ZNF227: variants seen among roughly 807,000 people sequenced by gnomAD.
ZNF227 encodes the protein zinc finger protein 227.
A neutral mutation model predicts 13.2 loss-of-function variants in ZNF227; 12 were observed. That is an observed-to-expected ratio of 0.91 (90% confidence interval 0.58 to 1.47). ZNF227 has a LOEUF of 1.47. Among genes scored for constraint, ZNF227 ranks in the 40% most tolerant of loss-of-function variants. ZNF227 has a pLI of 0.00. For missense variants in ZNF227, 885 were observed against 967.5 expected (o/e 0.91, Z 1.13); for synonymous variants, 338 against 326.0 (o/e 1.04, Z -0.40).
chr19:44,209,243 C>A (rs931141169), upstream of ZNF227, among the ~76,000 whole-genome samples: 2 of 152,308 alleles, frequency 1.3e-5, no homozygotes, highest in Middle Eastern at 3.4e-3. Context: ...CATCATTTGT[C>A]TTTAACTCTT....
rs145349391 is a variant in ZNF227, at chr19:44,228,496, G to T, written c.111G>T (p.Leu37=). ...DVAVVFSREE[L]RLLDLTQRKL... is the part of the protein sequence containing the mutation. ...CTGTGGTCTTCTCCAGGGAGGAACTGCGACTGCTCGATCTTACCCAGAGGA... is the reference window on the plus strand; with the variant it reads ...CTGTGGTCTTCTCCAGGGAGGAACTTCGACTGCTCGATCTTACCCAGAGGA... Residue 37 remains leucine (L), a synonymous_variant, in exon 4 of 6, where the codon CTG becomes CTT. Coordinates refer to ENST00000313040, the MANE Select transcript of ZNF227 (RefSeq NM_182490.3). 4.3e-5 allele frequency: 69 copies of T among 1,613,904 alleles called. No individual in the cohort carries two copies. The African/African-American group carries it at 8.9e-4, about 21-fold the overall frequency.
At position 44,234,954 on chromosome 19, in the gene ZNF227, A is replaced by G; in HGVS notation, c.524A>G (p.Gln175Arg). 5 of 1,614,092 alleles carry G rather than the reference A, an allele frequency of 3.1e-6. No homozygotes were observed. The highest frequency in any genetic ancestry group is 4.2e-6 in the Non-Finnish European group (5 of 1,180,012). ...ENQEFPFWRT[Q>R]HSCGNTYLSE... is the part of the protein sequence containing the mutation. Reference sequence around the variant, plus strand: ...CAAGAGTTTCCATTTTGGAGAACCCAGCATTCTTGCGGGAATACATATCTG... The same window carrying G: ...CAAGAGTTTCCATTTTGGAGAACCCGGCATTCTTGCGGGAATACATATCTG... The change falls in exon 6 of 6, where the codon CAG becomes CGG. Residue 175 changes from glutamine (Q) to arginine (R), a missense_variant. Transcript: ENST00000313040.
intron 3 of ZNF227, 33 bp from the exon 4 acceptor site, chr19:44,228,413 T>TAAGA: frequency 6.3e-7 from 1 of 1,593,150 alleles, no homozygotes; most frequent in Non-Finnish European, 8.5e-7. Context: ...AGGTTGGTTG[T>TAAGA]AAGATTGAGG....
At chr19:44,230,514 T>C (rs1244941184) in intron 5 of ZNF227, among the ~76,000 whole-genome samples, 1 of 152,106 alleles carries the variant, frequency 6.6e-6, no homozygotes, top group African/African-American at 2.4e-5. Context: ...GTTGGAGTAT[T>C]TGTTAAGCAT....
At chr19:44,208,476 C>G (rs1971260979), upstream of ZNF227, among the ~76,000 whole-genome samples, 1 of 152,194 alleles carries the variant, frequency 6.6e-6, no homozygotes, top group South Asian at 2.1e-4. Context: ...GGACAAATCT[C>G]AGAACTTTCA....
chr19:44,215,182 T>TG (rs1429998380), intron 2 of ZNF227, among the ~76,000 whole-genome samples: 3 of 151,232 alleles, frequency 2.0e-5, no homozygotes, highest in Admixed American at 2.0e-4. Context: ...TTTTTTTTTT[T>TG]TTTGAAACGG....
intron 2 of ZNF227, chr19:44,213,674 A>G (rs902615458): frequency 2.6e-5 from 4 of 152,108 alleles, no homozygotes; most frequent in African/African-American, 7.2e-5. Flanking sequence ...CTTAATCTCA[A>G]TGATACAGTC....
chr19:44,229,517 CAGG>C (rs1355111131), intron 4 of ZNF227, among the ~76,000 whole-genome samples: 2 of 152,144 alleles, frequency 1.3e-5, no homozygotes, highest in African/African-American at 2.4e-5. Context: ...GAGGCTGAGG[CAGG>C]AGACTTGCTT....
Position 44,236,713 on chromosome 19 carries a change from C to T in ZNF227, c.2283C>T (p.Ala761=). Residue 761 remains alanine, a synonymous_variant, in exon 6 of 6, where the codon GCC becomes GCT. Transcript: ENST00000313040. ...TCAGTCAGAGTGCACGTCTTGAAGCCCATCAGAGAGTCCACACTGGAGAAA... is the reference window on the plus strand; with the variant it reads ...TCAGTCAGAGTGCACGTCTTGAAGCTCATCAGAGAGTCCACACTGGAGAAA... ...KGFSQSARLE[A]HQRVHTGEKP... 3.7e-6 allele frequency: 6 copies of T among 1,613,330 alleles called. No individual in the cohort carries two copies. Among genetic ancestry groups the T allele is most frequent in the East Asian group, 2.2e-5 (1 of 44,822 alleles).
intron 5 of ZNF227, among the ~76,000 whole-genome samples, chr19:44,234,072 C>G (rs1254896245): frequency 6.6e-6 from 1 of 152,184 alleles, no homozygotes; most frequent in African/African-American, 2.4e-5. Context: ...ACCTCTCCCT[C>G]TCTTCGTCTT....
At chr19:44,224,648 A>G (rs1972904417) in intron 3 of ZNF227, among the ~76,000 whole-genome samples, 1 of 151,420 alleles carries the variant, frequency 6.6e-6, no homozygotes, top group African/African-American at 2.4e-5. Flanking sequence ...TTTTATTTTG[A>G]GCCTATGTGT....
rs771279104 is a variant in ZNF227, at chr19:44,236,003, T to C, written c.1573T>C (p.Cys525Arg). The part of the protein sequence containing the change: ...TGEKRFKCET[C>R]GKGFSQSSKL... ...GGAGAAACGATTCAAGTGTGAAACG[T>C]GTGGGAAGGGCTTCAGTCAGTCCTC... The change falls in exon 6 of 6, where the codon TGT becomes CGT. Residue 525 changes from cysteine (C) to arginine (R), a missense_variant. Physicochemically the swap from Cys to Arg is radical, Grantham distance 180. Transcript: ENST00000313040. 43 of 1,613,594 alleles carry C rather than the reference T, an allele frequency of 2.7e-5. No individual in the cohort carries two copies. The highest frequency in any genetic ancestry group is 3.6e-5 in the Non-Finnish European group (42 of 1,179,962).
At position 44,212,603 on chromosome 19, in the gene ZNF227, C is replaced by T. The variant is rs554321101; in HGVS notation, c.-158+18C>T. On this transcript the variant is annotated intron_variant, in intron 1 of 5. Transcript: ENST00000313040. Reference sequence around the variant, plus strand: ...TCCGGGAGGTGAGTCAGCCCTGCACCCCCACGACCCCTCTTGAACCTTTTC... The same window carrying T: ...TCCGGGAGGTGAGTCAGCCCTGCACTCCCACGACCCCTCTTGAACCTTTTC... 1 of 152,280 alleles carries T rather than the reference C, an allele frequency of 6.6e-6. No individual in the cohort carries two copies. The highest frequency in any genetic ancestry group is 1.9e-4 in the East Asian group (1 of 5,144). The allele number at this position is 152,280 out of a possible 1,614,324, so 9.4% of individuals were successfully genotyped here.
In ZNF227 at chr19:44,226,546, C is replaced by T. The variant is rs538524383; in HGVS notation, c.61-1900C>T. Among the ~76,000 whole-genome samples the T allele has an allele frequency of 3.9e-5, 6 of 152,316 alleles. No homozygotes were observed. The East Asian group carries it at 7.7e-4, about 20-fold the overall frequency. ...CTCAGACTGCTGTGCTAGCAATCAG[C>T]GAGACTCTGTGGGCGTAGGACCCTC... On this transcript the variant is annotated intron_variant, in intron 3 of 5. Coordinates refer to ENST00000313040, the MANE Select transcript of ZNF227 (RefSeq NM_182490.3).
chr19:44,229,555 T>G (rs1973555872), intron 4 of ZNF227, among the ~76,000 whole-genome samples, 178 bp from the exon 5 acceptor site: 1 of 152,186 alleles, frequency 6.6e-6, no homozygotes, highest in South Asian at 2.1e-4. Flanking sequence ...GAGGTTGCAG[T>G]GAGCCGAGAT....
Position 44,229,764 on chromosome 19 carries a change from C to A in ZNF227, c.219C>A (p.Ser73=). 6.3e-7 allele frequency: 1 copy of A among 1,589,250 alleles called. No individual in the cohort carries two copies. Among genetic ancestry groups the A allele is most frequent in the Non-Finnish European group, 8.6e-7 (1 of 1,163,586 alleles). ...GHLPFQPDMV[S]QLEAEEKLWM... is the part of the protein sequence containing the mutation. ...TTCCCTTCCAACCAGATATGGTATC[C>A]CAATTGGAAGCAGAAGAAAAGCTTT... Residue 73 remains serine (S), a synonymous_variant, in exon 5 of 6, where the codon TCC becomes TCA. Transcript: ENST00000313040.
Position 44,229,787 on chromosome 19 carries a change from T to C in ZNF227, c.242T>C (p.Leu81Pro). ...MVSQLEAEEK[L>P]WMMETETQRS... ...TCCCAATTGGAAGCAGAAGAAAAGC[T>C]TTGGATGATGGAAACAGAAACCCAA... The change falls in exon 5 of 6, where the codon CTT (leucine) becomes CCT (proline). Residue 81 changes from leucine (L) to proline (P), a missense_variant. By Grantham distance (98) the Leu-to-Pro change is moderately conservative. Transcript: ENST00000313040. 1 of 1,587,210 alleles carries C rather than the reference T, an allele frequency of 6.3e-7. No individual in the cohort carries two copies. The highest frequency in any genetic ancestry group is 8.6e-7 in the Non-Finnish European group (1 of 1,162,080).
intron 3 of ZNF227, 84 bp downstream of exon 3, chr19:44,217,936 G>A (rs932420017): frequency 3.3e-6 from 5 of 1,515,960 alleles, no homozygotes; most frequent in South Asian, 1.1e-5. Context: ...TTCTTGGAAA[G>A]GTTAGTGGGA....
chr19:44,230,964 G>C (rs904749757), intron 5 of ZNF227, among the ~76,000 whole-genome samples: 2 of 129,472 alleles, frequency 1.5e-5, no homozygotes, highest in Admixed American at 8.2e-5. Flanking sequence ...TCTTAGCCAG[G>C]CATGTTAGCA....
Sources: allele counts gnomAD v4.1 joint callset (sites outside exome capture counted in the v4.1 genomes callset), GRCh38; gene constraint gnomAD v4.1.1; transcripts MANE v1.5; gene names NCBI Gene and HGNC (gene_info 2026-07-23, HGNC 2026-07-21).